The following RPL10 variants were observed in gnomAD, a reference collection of about 807,000 sequenced individuals.
The protein encoded by RPL10 is large ribosomal subunit protein uL16.
In RPL10, 1 loss-of-function variant was observed where a neutral mutation model predicts 15.7. That is an observed-to-expected ratio of 0.06 (90% confidence interval 0.02 to 0.30). The LOEUF (loss-of-function observed/expected upper bound fraction) is 0.30. Ranked by LOEUF, RPL10 falls within the 10% of genes least tolerant of loss-of-function variation. RPL10 has a pLI of 1.00. For missense variants in RPL10, 54 were observed against 183.4 expected (o/e 0.29, Z 4.08); for synonymous variants, 59 against 64.0 (o/e 0.92, Z 0.37).
chrX:154,399,625 C>T (rs201995888), intron 4 of RPL10, 31 bp downstream of exon 4: 1 of 1,184,847 alleles, frequency 8.4e-7, no homozygotes, highest in African/African-American at 1.7e-5. Context: ...CGTCACCCCC[C>T]AGTCCTTCCT....
chrX:154,401,054 G>GT lies in RPL10; in HGVS notation c.*201dup. 1 of 1,108,952 alleles carries GT rather than the reference G, an allele frequency of 9.0e-7. No homozygotes were observed. Among genetic ancestry groups the GT allele is most frequent in the Admixed American group, 2.7e-5 (1 of 37,183 alleles). 91.4% of individuals were successfully genotyped at this position (1,108,952 alleles called of 1,213,427 possible). ...CAAACCCTGCAAAGGGCTGGGACTG[G>GT]TGGCCTTATGTCAGTTGTCTACTCT... On this transcript the variant is annotated 3_prime_UTR_variant, in exon 7 of 7. Coordinates refer to ENST00000369817, the MANE Select transcript of RPL10 (RefSeq NM_006013.5).
chrX:154,400,077 T>C (rs781897316), intron 5 of RPL10, 136 bp downstream of exon 5: 203 of 782,058 alleles, frequency 2.6e-4, no homozygotes, highest in Middle Eastern at 1.8e-3. Context: ...GCAAGTGACT[T>C]TCAGTGGTCA....
chrX:154,399,510 C>G lies in RPL10; in HGVS notation c.106C>G (p.Leu36Val). The stretch of plus-strand genomic sequence containing the variant: ...AGATGCCAAGATTCGCATTTTTGAC[C>G]TGGGGCGGAAAAAGGCAAAAGTGGA... ...VPDAKIRIFDLGRKKAKVDEF... is the reference protein window; with the variant it reads ...VPDAKIRIFDVGRKKAKVDEF... The change falls in exon 4 of 7, where the codon CTG (leucine) becomes GTG (valine). Residue 36 changes from leucine to valine, a missense_variant. Transcript: ENST00000369817. The G allele has an allele frequency of 8.3e-7, 1 of 1,211,816 alleles. No individual in the cohort carries two copies. The highest frequency in any genetic ancestry group is 1.1e-6 in the Non-Finnish European group (1 of 895,481).
At position 154,401,320 on chromosome X, in the gene RPL10, G is replaced by C. The variant is rs1368732328; in HGVS notation, c.*466G>C. 5.3e-6 allele frequency: 1 copy of C among 188,758 alleles called. No homozygotes were observed. The highest frequency in any genetic ancestry group is 9.9e-6 in the Non-Finnish European group (1 of 101,327). 15.6% of individuals were successfully genotyped at this position (188,758 alleles called of 1,213,427 possible). A position where few individuals can be genotyped will look rare whatever the true frequency, so the allele number is the denominator to read the frequency against. ...GGGCTTGTTCTCACCCATCTGGTTTGGCCATTCCTCCTTGGTGGGAATCAT... is the reference window on the plus strand; with the variant it reads ...GGGCTTGTTCTCACCCATCTGGTTTCGCCATTCCTCCTTGGTGGGAATCAT... On this transcript the variant is annotated 3_prime_UTR_variant, in exon 7 of 7. Coordinates refer to ENST00000369817, the MANE Select transcript of RPL10 (RefSeq NM_006013.5).
At chrX:154,399,078 T>A (rs2067968670) in intron 2 of RPL10, 1 of 444,893 alleles carries the variant, frequency 2.2e-6, no homozygotes, top group African/African-American at 2.5e-5. Context: ...ACTAGGAAAG[T>A]TTGTTGCAAA....
chrX:154,399,021 A>C (rs1240682939), intron 2 of RPL10: 2 of 399,326 alleles, frequency 5.0e-6, no homozygotes, highest in Non-Finnish European at 9.1e-6. Flanking sequence ...GTGCAATGAT[A>C]ATGCGGCGAT....
At position 154,401,124 on chromosome X, in the gene RPL10, A is replaced by G. The variant is rs1469134168; in HGVS notation, c.*270A>G. On this transcript the variant is annotated 3_prime_UTR_variant, in exon 7 of 7. Coordinates refer to ENST00000369817, the MANE Select transcript of RPL10 (RefSeq NM_006013.5). ...CCCAGGTCCTAGGCAGTAGGTTGAA[A>G]AACACTGAAGTGCTTTTCATGAAGC... is the stretch of plus-strand genomic sequence containing the variant. 4.6e-6 allele frequency: 3 copies of G among 654,850 alleles called. No individual in the cohort carries two copies. Among genetic ancestry groups the G allele is most frequent in the Non-Finnish European group, 2.2e-6 (1 of 459,472 alleles). 54.0% of individuals were successfully genotyped at this position (654,850 alleles called of 1,213,427 possible). A position where few individuals can be genotyped will look rare whatever the true frequency, so the allele number is the denominator to read the frequency against.
rs782377085 is a variant in RPL10, at chrX:154,400,882, A to G, written c.*28A>G. On this transcript the variant is annotated 3_prime_UTR_variant, in exon 7 of 7. Transcript: ENST00000369817. ...GCTTCCAATGTGCTGCCCCCCTCTT[A>G]ATACTCACCAATAAATTCTACTTCC... The G allele has an allele frequency of 3.3e-6, 4 of 1,208,655 alleles. No homozygotes were observed. In the East Asian group the frequency reaches 1.2e-4, roughly 36 times the overall value.
chrX:154,398,292 C>T, upstream of RPL10: 1 of 542,683 alleles, frequency 1.8e-6, no homozygotes, highest in South Asian at 2.3e-5. Flanking sequence ...TCTGACAGAG[C>T]GTCCACCCGT....
At chrX:154,398,808 A>G (rs1488961460) in intron 2 of RPL10, 7 of 428,103 alleles carry the variant, frequency 1.6e-5, no homozygotes, top group Non-Finnish European at 2.9e-5. Context: ...GGCGCTAGAT[A>G]CGCTCTTGGG....
chrX:154,398,261 G>C (rs781870570), upstream of RPL10: 1 of 514,274 alleles, frequency 1.9e-6, no homozygotes, highest in Non-Finnish European at 3.5e-6. Flanking sequence ...GCCAAGAGCG[G>C]CTGCGTCTAT....
In RPL10 at chrX:154,399,596, T is replaced by TA. The variant is rs782715792; in HGVS notation, c.190+4dup. 5.8e-6 allele frequency: 7 copies of TA among 1,206,351 alleles called. No individual in the cohort carries two copies. Among genetic ancestry groups the TA allele is most frequent in the Non-Finnish European group, 4.5e-6 (4 of 890,641 alleles). On this transcript the variant is annotated splice_region_variant and intron_variant, in intron 4 of 6. Coordinates refer to ENST00000369817, the MANE Select transcript of RPL10 (RefSeq NM_006013.5). ...AATATGAGCAGCTGTCCTCTGAAGG[T>TA]AAGGCAGGATTCTTTGTTCGTCACC... is the stretch of plus-strand genomic sequence containing the variant.
chrX:154,401,078 C>G lies in RPL10; in HGVS notation c.*224C>G. ...GGTGGCCTTATGTCAGTTGTCTACT[C>G]TGGAGCTTGACTTGGACCTCCCCAG... is the stretch of plus-strand genomic sequence containing the variant. On this transcript the variant is annotated 3_prime_UTR_variant, in exon 7 of 7. Transcript: ENST00000369817. The G allele has an allele frequency of 9.7e-7, 1 of 1,035,414 alleles. No homozygotes were observed. The highest frequency in any genetic ancestry group is 1.3e-6 in the Non-Finnish European group (1 of 779,137). The allele number at this position is 1,035,414 out of a possible 1,213,427, so 85.3% of individuals were successfully genotyped here.
At chrX:154,398,683 C>A (rs887355616) in intron 2 of RPL10, 141 bp downstream of exon 2, 1 of 736,644 alleles carries the variant, frequency 1.4e-6, no homozygotes, top group African/African-American at 2.1e-5. Context: ...TTTTACACCT[C>A]CCGGCTATTT....
Position 154,399,903 on chromosome X carries a change from C to T in RPL10, c.291C>T (p.Ile97=), listed in dbSNP as rs138325578. 2.4e-5 allele frequency: 29 copies of T among 1,210,837 alleles called. No homozygotes were observed. In the African/African-American group the frequency reaches 2.4e-4, roughly 10 times the overall value. The change falls in exon 5 of 7, where the codon ATC becomes ATT. Residue 97 remains isoleucine, a synonymous_variant. Transcript: ENST00000369817. The stretch of plus-strand genomic sequence containing the variant: ...TGCGGCTCCACCCCTTCCACGTCAT[C>T]CGCATCAACAAGATGTTGTCCTGTG... ...IRVRLHPFHV[I]RINKMLSCAG... is the part of the protein sequence containing the mutation.
Position 154,402,304 on chromosome X carries a change from C to A in RPL10, c.*1450C>A. ...TTAATGGTTTCCTGGTGATTCTTAC[C>A]AATCCACAATAAACATGGCCCATTG... On this transcript the variant is annotated 3_prime_UTR_variant, in exon 7 of 7. Transcript: ENST00000369817. 6.8e-6 allele frequency: 1 copy of A among 146,865 alleles called. No homozygotes were observed. The highest frequency in any genetic ancestry group is 1.3e-5 in the Non-Finnish European group (1 of 74,755). 12.1% of individuals were successfully genotyped at this position (146,865 alleles called of 1,213,427 possible). A position where few individuals can be genotyped will look rare whatever the true frequency, so the allele number is the denominator to read the frequency against.
chrX:154,398,629 A>C, intron 2 of RPL10, 87 bp downstream of exon 2: 2 of 1,114,510 alleles, frequency 1.8e-6, no homozygotes, highest in Non-Finnish European at 2.5e-6. Flanking sequence ...TGTGGGGTGG[A>C]GCCTCCCCCG....
chrX:154,398,417 T>TC (rs1557184875), intron 1 of RPL10, 23 bp downstream of exon 1: 2 of 1,037,535 alleles, frequency 1.9e-6, no homozygotes. Context: ...AGTTGTCGTC[T>TC]CTTGCGGTGC....
intron 2 of RPL10, 86 bp downstream of exon 2, chrX:154,398,628 G>T: frequency 8.9e-7 from 1 of 1,122,900 alleles, no homozygotes. Context: ...TTGTGGGGTG[G>T]AGCCTCCCCC....
Sources: gnomAD v4.1 joint callset for allele counts on GRCh38, gnomAD v4.1.1 for gene constraint, MANE v1.5 for transcripts, NCBI Gene and HGNC (gene_info 2026-07-23, HGNC 2026-07-21) for gene names.